The following REC114 variants were observed in gnomAD, a reference collection of about 807,000 sequenced individuals.
The protein encoded by REC114 is REC114 meiotic recombination protein.
Under a neutral mutation model 31.3 loss-of-function variants are expected in REC114, and 27 were observed. That is an observed-to-expected ratio of 0.86 (90% CI 0.64 to 1.19). The LOEUF is 1.19. Among genes scored for constraint, REC114 ranks in the 50% most tolerant of loss-of-function variants. The pLI, the probability that REC114 is intolerant of heterozygous loss-of-function variation, is 0.00. For synonymous variants in REC114, 134 were observed against 127.7 expected (o/e 1.05, Z -0.33); for missense variants, 344 against 326.9 (o/e 1.05, Z -0.40).
chr15:73,524,547 C>T (rs1198463385), intron 2 of REC114, among the ~76,000 whole-genome samples: 1 of 152,164 alleles, frequency 6.6e-6, no homozygotes, highest in Admixed American at 6.5e-5. Context: ...TTGATGAATA[C>T]CAAAACTCTT....
rs1355847498 is a variant in REC114, at chr15:73,500,734, T to TG, written c.249+26813_249+26814insG. On this transcript the variant is annotated intron_variant, in intron 2 of 5. Coordinates refer to ENST00000331090, the MANE Select transcript of REC114 (RefSeq NM_001042367.2). ...CCTGTTCTCTTCAATTATTGTTTTT[T>TG]TTTTTTTTTTTTCACTGCTGGTAAC... Among the ~76,000 whole-genome samples, 285 of 151,908 alleles carry TG rather than the reference T, an allele frequency of 1.9e-3. 2 individuals are homozygous for TG. Among genetic ancestry groups the TG allele is most frequent in the African/African-American group, 5.7e-3 (235 of 41,430 alleles).
chr15:73,492,272 G>C (rs1893457574), intron 2 of REC114, among the ~76,000 whole-genome samples: 1 of 152,100 alleles, frequency 6.6e-6, no homozygotes, highest in Non-Finnish European at 1.5e-5. Flanking sequence ...GGACTCTCCT[G>C]TCTGCCTTCT....
At position 73,546,699 on chromosome 15, in the gene REC114, G is replaced by A. The variant is rs561301370; in HGVS notation, c.334-4239G>A. Reference sequence around the variant, plus strand: ...GAAGAGACAGTCTCTTCAATAAAGAGTTCTGGGAAATTGCTGAGGCAGGAG... The same window carrying A: ...GAAGAGACAGTCTCTTCAATAAAGAATTCTGGGAAATTGCTGAGGCAGGAG... On this transcript the variant is annotated intron_variant, in intron 3 of 5. Coordinates refer to ENST00000331090, the MANE Select transcript of REC114 (RefSeq NM_001042367.2). Among the ~76,000 whole-genome samples, 50 of 151,760 alleles carry A rather than the reference G, an allele frequency of 3.3e-4. 1 individual carries two copies. Among genetic ancestry groups the A allele is most frequent in the Admixed American group, 3.0e-3 (45 of 15,224 alleles).
intron 1 of REC114, among the ~76,000 whole-genome samples, chr15:73,445,130 C>G (rs1892748165): frequency 6.6e-6 from 1 of 152,150 alleles, no homozygotes; most frequent in Non-Finnish European, 1.5e-5. Flanking sequence ...CCTAAGGGCC[C>G]TAGGACTTTC....
chr15:73,505,110 C>T (rs1595872332), intron 2 of REC114, among the ~76,000 whole-genome samples: 1 of 151,978 alleles, frequency 6.6e-6, no homozygotes, highest in East Asian at 1.9e-4. Context: ...TCTGTGAGCT[C>T]TTACTATGTC....
chr15:73,482,296 A>T lies in REC114; in HGVS notation c.249+8375A>T, dbSNP rs546307085. ...TGAATGGCTTGGTGCTGTCCTCACG[A>T]TAATAAGTGAGTTCTTGCTCTGAGT... On this transcript the variant is annotated intron_variant, in intron 2 of 5. Transcript: ENST00000331090. Among the ~76,000 whole-genome samples, 3 of 152,142 alleles carry T rather than the reference A, an allele frequency of 2.0e-5. No individual in the cohort carries two copies. The East Asian group carries it at 5.8e-4, about 29-fold the overall frequency.
chr15:73,496,191 A>C (rs1397850203), intron 2 of REC114, among the ~76,000 whole-genome samples: 3 of 151,458 alleles, frequency 2.0e-5, no homozygotes, highest in African/African-American at 7.3e-5. Context: ...ATCTCGACTA[A>C]AAATACAAAA....
chr15:73,558,510 G>T (rs1427666912), intron 5 of REC114, among the ~76,000 whole-genome samples: 2 of 152,090 alleles, frequency 1.3e-5, no homozygotes, highest in South Asian at 2.1e-4. Context: ...AACACTGCAG[G>T]TTACCAAAGA....
intron 1 of REC114, among the ~76,000 whole-genome samples, chr15:73,461,675 A>G (rs961949521): frequency 6.6e-6 from 1 of 152,076 alleles, no homozygotes; most frequent in African/African-American, 2.4e-5. Context: ...TGCTATTGTT[A>G]TTTAACTGAT....
At chr15:73,450,528 T>A (rs548964640) in intron 1 of REC114, among the ~76,000 whole-genome samples, 20 of 152,144 alleles carry the variant, frequency 1.3e-4, no homozygotes, top group Admixed American at 2.6e-4. Flanking sequence ...TTCCACACAA[T>A]AATAGTGGGA....
intron 1 of REC114, among the ~76,000 whole-genome samples, chr15:73,463,286 A>G (rs1893015555): frequency 6.6e-6 from 1 of 150,826 alleles, no homozygotes; most frequent in Non-Finnish European, 1.5e-5. Flanking sequence ...GATTTTGCTG[A>G]CCGCCATCTC....
chr15:73,465,942 T>A (rs1189144157), intron 1 of REC114, among the ~76,000 whole-genome samples: 2 of 152,006 alleles, frequency 1.3e-5, no homozygotes, highest in Admixed American at 1.3e-4. Flanking sequence ...ACCTCTGCCT[T>A]CCGGGTTCAA....
intron 2 of REC114, among the ~76,000 whole-genome samples, chr15:73,494,215 T>C (rs1281135736): frequency 6.6e-6 from 1 of 152,218 alleles, no homozygotes. Flanking sequence ...TTTTGGCATT[T>C]TCATTTTGAT....
chr15:73,487,142 T>C (rs967172094), intron 2 of REC114, among the ~76,000 whole-genome samples: 1 of 152,208 alleles, frequency 6.6e-6, no homozygotes, highest in African/African-American at 2.4e-5. Context: ...TACTATCATA[T>C]TGGCAATTAA....
chr15:73,513,451 A>T (rs1347585671), intron 2 of REC114, among the ~76,000 whole-genome samples: 2 of 148,782 alleles, frequency 1.3e-5, no homozygotes, highest in Non-Finnish European at 3.0e-5. Context: ...AGCTCGTCAA[A>T]GTCATTCTCC....
chr15:73,509,931 T>C (rs1027367628), intron 2 of REC114, among the ~76,000 whole-genome samples: 1 of 151,692 alleles, frequency 6.6e-6, no homozygotes, highest in African/African-American at 2.4e-5. Context: ...GCAGGCTCTT[T>C]TTTGGTTCCA....
intron 2 of REC114, among the ~76,000 whole-genome samples, chr15:73,479,646 C>T (rs1383654787): frequency 6.6e-6 from 1 of 152,020 alleles, no homozygotes; most frequent in Non-Finnish European, 1.5e-5. Flanking sequence ...ATGAATTTTA[C>T]TATTTTAGAT....
At chr15:73,513,348 A>C (rs1893804549) in intron 2 of REC114, among the ~76,000 whole-genome samples, 1 of 150,882 alleles carries the variant, frequency 6.6e-6, no homozygotes. Flanking sequence ...ACACTCTTCT[A>C]AATTTTTTTC....
At chr15:73,516,025 C>G (rs1458891429) in intron 2 of REC114, among the ~76,000 whole-genome samples, 1 of 150,546 alleles carries the variant, frequency 6.6e-6, no homozygotes, top group Non-Finnish European at 1.5e-5. Flanking sequence ...TTGCTCTTGT[C>G]ACCCAGGCTG....
Sources: allele counts gnomAD v4.1 joint callset (sites outside exome capture counted in the v4.1 genomes callset), GRCh38; gene constraint gnomAD v4.1.1; transcripts MANE v1.5; gene names NCBI Gene and HGNC (gene_info 2026-07-23, HGNC 2026-07-21).